Variants in PSD3 observed in about 807,000 individuals in gnomAD.
PSD3 encodes pleckstrin and Sec7 domain containing 3, also known as PH and SEC7 domain-containing protein 3.
Under a neutral mutation model 105.5 loss-of-function variants are expected in PSD3, and 49 were observed. The ratio of observed to expected loss-of-function variants is 0.46; its 90% CI spans 0.37 to 0.59. The LOEUF (loss-of-function observed/expected upper bound fraction) is 0.59. PSD3 is among the 20% of genes least tolerant of loss of function. PSD3 has a pLI of 0.00. For missense variants in PSD3, 1,561 were observed against 1,263.8 expected (o/e 1.24, Z -3.57); for synonymous variants, 557 against 457.8 (o/e 1.22, Z -2.77).
chr8:18,909,304 C>T (rs929787465), intron 2 of PSD3, among the ~76,000 whole-genome samples: 2 of 152,158 alleles, frequency 1.3e-5, no homozygotes, highest in Non-Finnish European at 2.9e-5. Context: ...GCCCCATTAA[C>T]ACCACTGTCT....
chr8:18,658,504 T>C (rs1312651523), intron 9 of PSD3, among the ~76,000 whole-genome samples: 6 of 151,238 alleles, frequency 4.0e-5, no homozygotes, highest in Non-Finnish European at 7.4e-5. Context: ...CATGAAAATA[T>C]TAATAGATAC....
At chr8:18,621,852 A>G (rs1806135951) in intron 11 of PSD3, among the ~76,000 whole-genome samples, 1 of 152,192 alleles carries the variant, frequency 6.6e-6, no homozygotes, top group Non-Finnish European at 1.5e-5. Context: ...TTCCACTTTT[A>G]TTATCTCTTA....
chr8:18,582,015 G>A (rs1802849901), intron 12 of PSD3, among the ~76,000 whole-genome samples: 1 of 152,168 alleles, frequency 6.6e-6, no homozygotes, highest in Non-Finnish European at 1.5e-5. Flanking sequence ...CTGTCTGGGG[G>A]AAAGGAACAA....
intron 9 of PSD3, among the ~76,000 whole-genome samples, chr8:18,690,567 C>G (rs1159045485): frequency 6.6e-6 from 1 of 152,154 alleles, no homozygotes; most frequent in Non-Finnish European, 1.5e-5. Flanking sequence ...ATTCTTATCC[C>G]CTAGATGGTC....
chr8:18,823,188 A>T (rs748714183), intron 4 of PSD3, among the ~76,000 whole-genome samples: 2 of 152,100 alleles, frequency 1.3e-5, no homozygotes, highest in African/African-American at 2.4e-5. Context: ...TTCCCCTCAG[A>T]GGATACACTC....
At chr8:18,770,341 G>C (rs754223565) in intron 8 of PSD3, among the ~76,000 whole-genome samples, 2 of 151,550 alleles carry the variant, frequency 1.3e-5, no homozygotes, top group South Asian at 4.2e-4. Flanking sequence ...TTATTCAGTT[G>C]TAAGACTTCT....
At chr8:18,971,307 C>T (rs559367082) in intron 1 of PSD3, among the ~76,000 whole-genome samples, 2 of 152,312 alleles carry the variant, frequency 1.3e-5, no homozygotes, top group African/African-American at 4.8e-5. Flanking sequence ...CAGCCAAGGT[C>T]CTGCCACACC....
At chr8:19,033,184 A>C (rs1290027548) in intron 1 of PSD3, among the ~76,000 whole-genome samples, 1 of 152,220 alleles carries the variant, frequency 6.6e-6, no homozygotes, top group Non-Finnish European at 1.5e-5. Flanking sequence ...AGAAAAAAAG[A>C]TGTTATGTGA....
intron 11 of PSD3, among the ~76,000 whole-genome samples, chr8:18,606,778 G>A (rs1453103068): frequency 6.6e-6 from 1 of 152,138 alleles, no homozygotes; most frequent in Non-Finnish European, 1.5e-5. Flanking sequence ...AAAATGGAAG[G>A]AAAGGGAAAG....
chr8:18,735,272 T>C (rs951143279), intron 9 of PSD3, among the ~76,000 whole-genome samples: 1 of 152,036 alleles, frequency 6.6e-6, no homozygotes, highest in Non-Finnish European at 1.5e-5. Context: ...ACGGAAATAA[T>C]GGTGCCCAAA....
chr8:18,840,990 A>G (rs980662738), intron 4 of PSD3, among the ~76,000 whole-genome samples: 1 of 152,172 alleles, frequency 6.6e-6, no homozygotes, highest in African/African-American at 2.4e-5. Flanking sequence ...ACTACAGTCT[A>G]CTACACTTGG....
intron 12 of PSD3, among the ~76,000 whole-genome samples, chr8:18,589,967 C>T (rs1803474837): frequency 6.6e-6 from 1 of 151,980 alleles, no homozygotes; most frequent in East Asian, 1.9e-4. Context: ...CCACCTACAG[C>T]TAAAATGAAG....
chr8:18,647,465 C>A (rs922395105), intron 10 of PSD3, among the ~76,000 whole-genome samples: 1 of 152,070 alleles, frequency 6.6e-6, no homozygotes, highest in African/African-American at 2.4e-5. Flanking sequence ...GATTATTCCA[C>A]GATGCAAAGT....
intron 15 of PSD3, among the ~76,000 whole-genome samples, chr8:18,546,363 T>A (rs1271287248): frequency 1.3e-5 from 2 of 152,130 alleles, no homozygotes; most frequent in Non-Finnish European, 2.9e-5. Flanking sequence ...GTATCATAAG[T>A]AGTCATCTTA....
At chr8:18,565,648 C>G (rs1345771850) in intron 14 of PSD3, among the ~76,000 whole-genome samples, 1 of 152,166 alleles carries the variant, frequency 6.6e-6, no homozygotes, top group East Asian at 1.9e-4. Flanking sequence ...CAGCAAGGCA[C>G]TCACATTTTT....
At chr8:18,755,913 G>A (rs560956462) in intron 9 of PSD3, among the ~76,000 whole-genome samples, 1 of 152,204 alleles carries the variant, frequency 6.6e-6, no homozygotes, top group East Asian at 1.9e-4. Context: ...GATCGAAAGC[G>A]AAAGCAGGCT....
intron 11 of PSD3, among the ~76,000 whole-genome samples, chr8:18,609,127 C>T (rs1805072028): frequency 6.6e-6 from 1 of 151,734 alleles, no homozygotes. Flanking sequence ...TGTCTGTTGT[C>T]TTGAAAATAT....
At chr8:19,060,873 G>T (rs1828874610) in intron 1 of PSD3, among the ~76,000 whole-genome samples, 1 of 152,224 alleles carries the variant, frequency 6.6e-6, no homozygotes, top group African/African-American at 2.4e-5. Flanking sequence ...CTGGCAAGTG[G>T]CTTTGACGGT....
chr8:18,553,687 G>C (rs1800909549), intron 15 of PSD3, among the ~76,000 whole-genome samples: 1 of 152,098 alleles, frequency 6.6e-6, no homozygotes, highest in Non-Finnish European at 1.5e-5. Context: ...TAGCAAAGTG[G>C]ACTCAATATG....
Sources: gnomAD v4.1 joint callset for allele counts (sites outside exome capture counted in the v4.1 genomes callset) on GRCh38, gnomAD v4.1.1 for gene constraint, MANE v1.5 for transcripts, NCBI Gene and HGNC (gene_info 2026-07-23, HGNC 2026-07-21) for gene names.